The following DNAI7 variants were observed in gnomAD, a reference collection of about 807,000 sequenced individuals.
DNAI7 encodes cancer susceptibility 1.
DNAI7 carries 78 observed loss-of-function variants against 86.6 expected under a neutral mutation model. That is an observed-to-expected ratio of 0.90 (90% confidence interval 0.75 to 1.09). DNAI7 has a LOEUF of 1.09. Ranked by LOEUF, DNAI7 falls within the 50% of genes least tolerant of loss-of-function variation. The probability of loss-of-function intolerance (pLI) is 0.00; values close to 1 mark genes in which losing one functional copy is unlikely to be tolerated. For missense variants in DNAI7, 753 were observed against 810.2 expected (o/e 0.93, Z 0.86); for synonymous variants, 274 against 273.0 (o/e 1.00, Z -0.04).
intron 11 of DNAI7, among the ~76,000 whole-genome samples, chr12:25,120,295 A>C (rs1941000506): frequency 7.2e-6 from 1 of 138,562 alleles, no homozygotes; most frequent in South Asian, 2.4e-4. Context: ...GAGGGTGAGA[A>C]GAGAGAGAGA....
chr12:25,136,461 G>A (rs1043557502), intron 9 of DNAI7, among the ~76,000 whole-genome samples: 2 of 152,032 alleles, frequency 1.3e-5, no homozygotes, highest in Non-Finnish European at 2.9e-5. Context: ...AAGTGAGTAG[G>A]AACCAGAAAA....
chr12:25,127,709 C>T (rs1942342723), intron 9 of DNAI7, among the ~76,000 whole-genome samples: 1 of 152,112 alleles, frequency 6.6e-6, no homozygotes, highest in African/African-American at 2.4e-5. Flanking sequence ...ATTTTCATTG[C>T]AACTTGATAA....
intron 9 of DNAI7, among the ~76,000 whole-genome samples, chr12:25,125,140 T>C (rs1365959924): frequency 6.6e-6 from 1 of 152,210 alleles, no homozygotes; most frequent in East Asian, 1.9e-4. Context: ...TACCCAGTAA[T>C]GGGATTGCTG....
intron 2 of DNAI7, among the ~76,000 whole-genome samples, chr12:25,170,837 C>T (rs910029390): frequency 3.3e-5 from 5 of 152,136 alleles, no homozygotes; most frequent in African/African-American, 1.2e-4. Context: ...TCTTCAAAAC[C>T]ATGCAAGTAC....
chr12:25,185,409 T>C (rs1368643080), intron 2 of DNAI7, among the ~76,000 whole-genome samples: 2 of 152,252 alleles, frequency 1.3e-5, no homozygotes, highest in African/African-American at 2.4e-5. Context: ...TTTTTTATCA[T>C]ATCACTTTCA....
Position 25,108,547 on chromosome 12 carries a change from G to T in DNAI7, c.*1C>A, listed in dbSNP as rs372803633. 10 of 1,610,886 alleles carry T rather than the reference G, an allele frequency of 6.2e-6. No homozygotes were observed. Among genetic ancestry groups the T allele is most frequent in the African/African-American group, 2.7e-5 (2 of 74,826 alleles). ...CTTACAATACAGTTTGTAAGTGGAG[G>T]TTAGGAGTAGCTGAGCAATCTGGTA... On this transcript the variant is annotated 3_prime_UTR_variant, in exon 16 of 16. Transcript: ENST00000395987.
chr12:25,148,788 C>T (rs1054375553), intron 7 of DNAI7, among the ~76,000 whole-genome samples: 3 of 152,154 alleles, frequency 2.0e-5, no homozygotes, highest in Non-Finnish European at 4.4e-5. Context: ...TCTTAGCTAA[C>T]GGCATCCCTT....
chr12:25,152,106 G>C (rs1484544043), intron 6 of DNAI7, among the ~76,000 whole-genome samples: 3 of 152,164 alleles, frequency 2.0e-5, no homozygotes, highest in Admixed American at 2.0e-4. Flanking sequence ...TAAATATTTG[G>C]TCTCTGCCCC....
In DNAI7 at chr12:25,189,706, TG is replaced by T. The variant is rs560541152; in HGVS notation, c.21+907del. Among the ~76,000 whole-genome samples, 407 of 151,958 alleles carry T rather than the reference TG, an allele frequency of 2.7e-3. 9 individuals carry two copies. The highest frequency in any genetic ancestry group is 8.7e-4 in the Non-Finnish European group (59 of 67,962). On this transcript the variant is annotated intron_variant, in intron 2 of 15. Coordinates refer to ENST00000395987, the MANE Select transcript of DNAI7 (RefSeq NM_018272.5). ...ATAATTGATCTGTAAAAGGGAACAA[TG>T]GGAAAATTTACAGAGAAGTGACATT... is the stretch of plus-strand genomic sequence containing the variant.
At chr12:25,177,651 T>G (rs1949097593) in intron 2 of DNAI7, among the ~76,000 whole-genome samples, 1 of 152,092 alleles carries the variant, frequency 6.6e-6, no homozygotes, top group Non-Finnish European at 1.5e-5. Flanking sequence ...CTGCAAGGGG[T>G]TTTCTGTTGT....
chr12:25,108,027 C>T (rs369048485), downstream of DNAI7: 78 of 1,613,942 alleles, frequency 4.8e-5, no homozygotes, highest in Non-Finnish European at 4.6e-5. Context: ...GGCCATTTAC[C>T]AGACTCCGAC....
intron 6 of DNAI7, among the ~76,000 whole-genome samples, chr12:25,153,346 G>A (rs10842489): frequency 1 from 151,968 of 152,292 alleles, 75,826 homozygotes; most frequent in Non-Finnish European, 1. Flanking sequence ...GGTTGAATCC[G>A]GGAGGTAGAG....
downstream of DNAI7, chr12:25,107,928 C>T (rs1162194147): frequency 2.5e-6 from 4 of 1,614,202 alleles, no homozygotes; most frequent in South Asian, 3.3e-5. Flanking sequence ...CTTTGATGAG[C>T]TTCCTCACAG....
At chr12:25,112,599 G>C (rs1939152254) in intron 13 of DNAI7, among the ~76,000 whole-genome samples, 1 of 151,494 alleles carries the variant, frequency 6.6e-6, no homozygotes. Flanking sequence ...GTAGAGACAG[G>C]GTTTCACCGT....
chr12:25,164,011 T>C (rs1306428677), intron 2 of DNAI7, among the ~76,000 whole-genome samples: 2 of 152,192 alleles, frequency 1.3e-5, no homozygotes, highest in Non-Finnish European at 2.9e-5. Context: ...TGCCTGATTA[T>C]TCACCCATGT....
chr12:25,187,922 C>T (rs1592724570), intron 2 of DNAI7, among the ~76,000 whole-genome samples: 1 of 151,966 alleles, frequency 6.6e-6, no homozygotes, highest in African/African-American at 2.4e-5. Flanking sequence ...AGAAGGCTTG[C>T]ATATGTCAAC....
At position 25,108,824 on chromosome 12, in the gene DNAI7, C is replaced by CAAAAAAAAAAAAAAAAAAAAAAAAAAA. The variant is rs762585984; in HGVS notation, c.1894-2_1894-1insTTTTTTTTTTTTTTTTTTTTTTTTTTT. Reference sequence around the variant, plus strand: ...ATGCTTCAGTAAGGTGTTCCCTCACCTAAAAAAAAAAAAAATTCAAGCAAG... The same window carrying CAAAAAAAAAAAAAAAAAAAAAAAAAAA: ...ATGCTTCAGTAAGGTGTTCCCTCACCAAAAAAAAAAAAAAAAAAAAAAAAAAATAAAAAAAAAAAAAATTCAAGCAAG... On this transcript the variant is annotated splice_acceptor_variant, in intron 15 of 15. Transcript: ENST00000395987. LOFTEE classifies it high-confidence loss of function. 1 of 113,544 alleles carries CAAAAAAAAAAAAAAAAAAAAAAAAAAA rather than the reference C, an allele frequency of 8.8e-6. No individual in the cohort carries two copies. Among genetic ancestry groups the CAAAAAAAAAAAAAAAAAAAAAAAAAAA allele is most frequent in the Non-Finnish European group, 1.3e-5 (1 of 74,284 alleles). 7.0% of individuals were successfully genotyped at this position (113,544 alleles called of 1,614,324 possible). A position where few individuals can be genotyped will look rare whatever the true frequency, so the allele number is the denominator to read the frequency against.
At position 25,109,924 on chromosome 12, in the gene DNAI7, C is replaced by G. The variant is rs182958060; in HGVS notation, c.1893+203G>C. On this transcript the variant is annotated intron_variant, in intron 15 of 15. Coordinates refer to ENST00000395987, the MANE Select transcript of DNAI7 (RefSeq NM_018272.5). ...AACTCCTGACCTCAGGTGATCTGCC[C>G]ACCTCAGCCTCCCATAGTGCTGGGA... Among the ~76,000 whole-genome samples the G allele has an allele frequency of 9.9e-5, 15 of 152,246 alleles. No homozygotes were observed. The East Asian group carries it at 2.5e-3, about 25-fold the overall frequency.
chr12:25,123,028 GAGAC>G (rs1196443766), intron 10 of DNAI7, among the ~76,000 whole-genome samples, 179 bp downstream of exon 10: 1 of 152,274 alleles, frequency 6.6e-6, no homozygotes, highest in East Asian at 1.9e-4. Context: ...GAAATTAAGA[GAGAC>G]AGGGATAAAT....
Sources: allele counts gnomAD v4.1 joint callset (sites outside exome capture counted in the v4.1 genomes callset), GRCh38; gene constraint gnomAD v4.1.1; transcripts MANE v1.5; gene names NCBI Gene and HGNC (gene_info 2026-07-23, HGNC 2026-07-21).